Variants in ZC3H3 observed in about 807,000 individuals in gnomAD.
The protein encoded by ZC3H3 is zinc finger CCCH-type containing 3, also known as zinc finger CCCH domain-containing protein 3.
In ZC3H3, 36 loss-of-function variants were observed where a neutral mutation model predicts 77.3. The ratio of observed to expected loss-of-function variants is 0.47; its 90% CI spans 0.36 to 0.61. The LOEUF is 0.61. Ranked by LOEUF, ZC3H3 falls within the 20% of genes least tolerant of loss-of-function variation. The pLI is 0.00. For missense variants in ZC3H3, 1,331 were observed against 1,312.2 expected (o/e 1.01, Z -0.22); for synonymous variants, 626 against 555.2 (o/e 1.13, Z -1.79).
At chr8:143,488,731 G>T (rs1319645447) in intron 4 of ZC3H3, among the ~76,000 whole-genome samples, 5 of 152,216 alleles carry the variant, frequency 3.3e-5, no homozygotes, top group African/African-American at 1.2e-4. Context: ...CAAGAGACTG[G>T]CAGATTTAAG....
chr8:143,532,909 G>A (rs1442984093), intron 3 of ZC3H3, among the ~76,000 whole-genome samples: 2 of 152,196 alleles, frequency 1.3e-5, no homozygotes, highest in Non-Finnish European at 2.9e-5. Context: ...AGCCGCCTGA[G>A]TGACCAGGCC....
At chr8:143,455,020 G>GA (rs113637656) in intron 9 of ZC3H3, among the ~76,000 whole-genome samples, 3,683 of 147,106 alleles carry the variant, frequency 0.025, 148 homozygotes, top group African/African-American at 0.085. Flanking sequence ...CTCAACTTCA[G>GA]AAAAAAAAAA....
chr8:143,446,395 T>A (rs1015464735), intron 9 of ZC3H3, among the ~76,000 whole-genome samples: 5 of 152,206 alleles, frequency 3.3e-5, no homozygotes, highest in Non-Finnish European at 7.3e-5. Context: ...AGAAGACATG[T>A]GACTAACAGA....
At position 143,467,718 on chromosome 8, in the gene ZC3H3, C is replaced by T. The variant is rs181828567; in HGVS notation, c.2175+491G>A. 9.2e-3 allele frequency among the ~76,000 whole-genome samples: 1,405 copies of T among 152,256 alleles called. 23 individuals are homozygous for T. The highest frequency in any genetic ancestry group is 0.032 in the African/African-American group (1,314 of 41,534). On this transcript the variant is annotated intron_variant, in intron 8 of 11. Coordinates refer to ENST00000262577, the MANE Select transcript of ZC3H3 (RefSeq NM_015117.3). ...AAAGCAAGTCTGTTGGGTTTCAGGC[C>T]GCGGGGACAACCACATGAGCCAGGA...
rs566441994 is a variant in ZC3H3 at position 143,493,166 on chromosome 8, C to T, written c.1715+14580G>A. Among the ~76,000 whole-genome samples the T allele has an allele frequency of 2.1e-5, 3 of 139,828 alleles. No individual in the cohort carries two copies. Among genetic ancestry groups the T allele is most frequent in the Non-Finnish European group, 4.7e-5 (3 of 64,344 alleles). The allele number at this position is 139,828 out of a possible 152,430, so 91.7% of individuals were successfully genotyped here. A position where few individuals can be genotyped will look rare whatever the true frequency, so the allele number is the denominator to read the frequency against. The stretch of plus-strand genomic sequence containing the variant: ...CCCAGGGGCTCCCTCCTCAGGGTCC[C>T]GTGTCCTGGCCCAGGGGCTCCCTCC... On this transcript the variant is annotated intron_variant, in intron 4 of 11. Coordinates refer to ENST00000262577, the MANE Select transcript of ZC3H3 (RefSeq NM_015117.3). The surrounding 1 kb of genome is among the most constrained non-coding windows in gnomAD (Gnocchi z 4.8).
intron 3 of ZC3H3, chr8:143,523,615 C>G (rs952725787): frequency 1.2e-6 from 1 of 854,274 alleles, no homozygotes; most frequent in Non-Finnish European, 1.4e-6. Flanking sequence ...TTTGAGGACC[C>G]CTGTCCTCAT....
chr8:143,438,174 G>A (rs936819361), intron 11 of ZC3H3, 87 bp from the exon 12 acceptor site: 15 of 1,509,606 alleles, frequency 9.9e-6, no homozygotes, highest in Admixed American at 3.9e-5. Context: ...GCTCAGGATC[G>A]GGGGGCTCTG....
intron 4 of ZC3H3, among the ~76,000 whole-genome samples, chr8:143,505,756 C>T (rs1056784944): frequency 2.6e-5 from 4 of 152,216 alleles, no homozygotes; most frequent in Non-Finnish European, 5.9e-5. Context: ...GACACTGAGG[C>T]CTGGAGCCCA....
intron 3 of ZC3H3, among the ~76,000 whole-genome samples, chr8:143,513,317 G>A (rs1236275658): frequency 6.6e-6 from 1 of 152,168 alleles, no homozygotes; most frequent in East Asian, 1.9e-4. Context: ...AGGCAGGGGA[G>A]CAGGGGGAGC....
intron 3 of ZC3H3, among the ~76,000 whole-genome samples, chr8:143,512,356 A>G (rs1327882472): frequency 1.3e-5 from 2 of 152,208 alleles, no homozygotes; most frequent in African/African-American, 4.8e-5. Flanking sequence ...CACACTGCCT[A>G]TGTCCTTCTC....
chr8:143,502,419 C>G (rs1821553939), intron 4 of ZC3H3, among the ~76,000 whole-genome samples: 1 of 152,238 alleles, frequency 6.6e-6, no homozygotes, highest in Non-Finnish European at 1.5e-5. Flanking sequence ...AATGAGACGC[C>G]ACTTTGGAGA....
intron 9 of ZC3H3, among the ~76,000 whole-genome samples, chr8:143,461,151 T>C (rs1031499265): frequency 2.6e-5 from 4 of 152,166 alleles, no homozygotes; most frequent in Non-Finnish European, 4.4e-5. Context: ...TACCAAAAAC[T>C]ATTGAATTGT....
intron 9 of ZC3H3, among the ~76,000 whole-genome samples, chr8:143,456,100 T>C (rs1290776853): frequency 1.3e-5 from 2 of 151,280 alleles, no homozygotes; most frequent in African/African-American, 2.4e-5. Flanking sequence ...CAGGTATCCA[T>C]GAGGGATCTT....
chr8:143,510,096 G>A (rs935151911), intron 3 of ZC3H3, among the ~76,000 whole-genome samples: 4 of 152,216 alleles, frequency 2.6e-5, no homozygotes, highest in Admixed American at 2.6e-4. Flanking sequence ...CAGTGGTCAG[G>A]TCAGGCTTCT....
At chr8:143,488,354 C>A (rs1821100893) in intron 4 of ZC3H3, among the ~76,000 whole-genome samples, 1 of 72,700 alleles carries the variant, frequency 1.4e-5, no homozygotes, top group Non-Finnish European at 2.5e-5. Flanking sequence ...CAGAACAGCA[C>A]CCGCTACACG....
In ZC3H3 at chr8:143,535,933, C is replaced by T. The variant is rs547830340; in HGVS notation, c.1561+324G>A. ...CTGGGGGTGCCCAGCGCAGCACAAG[C>T]GAGGGCTTCACCCCTGCTTAAGGGC... On this transcript the variant is annotated intron_variant, in intron 3 of 11. Transcript: ENST00000262577. 9.8e-5 allele frequency among the ~76,000 whole-genome samples: 15 copies of T among 152,376 alleles called. 1 individual carries two copies. The South Asian group carries it at 1.7e-3, about 17-fold the overall frequency.
chr8:143,478,494 T>C (rs1820809051), intron 4 of ZC3H3, among the ~76,000 whole-genome samples: 1 of 152,212 alleles, frequency 6.6e-6, no homozygotes, highest in South Asian at 2.1e-4. Flanking sequence ...ACAGCAGCCA[T>C]GCCCCCGCTC....
In ZC3H3 at chr8:143,539,018, G is replaced by A. The variant is rs753760688; in HGVS notation, c.349C>T (p.Leu117Phe). The change falls in exon 2 of 12, where the codon CTC becomes TTC. Residue 117 changes from leucine to phenylalanine, a missense_variant. Leu to Phe is a conservative substitution (Grantham distance 22). Transcript: ENST00000262577. ...ATGACCACGTTCTGACCCTGACTGA[G>A]CTGGACCTGTCTCTCAAGGACATGC... ...QQHVLERQVQ[L>F]SQGQNVVIKV... 3.1e-6 allele frequency: 5 copies of A among 1,613,078 alleles called. No individual in the cohort carries two copies. Among genetic ancestry groups the A allele is most frequent in the Non-Finnish European group, 4.2e-6 (5 of 1,180,038 alleles).
intron 4 of ZC3H3, among the ~76,000 whole-genome samples, chr8:143,478,079 C>T (rs540842727): frequency 9.9e-5 from 15 of 152,248 alleles, no homozygotes; most frequent in Admixed American, 2.6e-4. Context: ...CAACCCTGGC[C>T]GCCACAAAGC....
Sources: allele counts gnomAD v4.1 joint callset (sites outside exome capture counted in the v4.1 genomes callset), GRCh38; gene constraint gnomAD v4.1.1; non-coding constraint Gnocchi (gnomAD v3.1); transcripts MANE v1.5; gene names NCBI Gene and HGNC (gene_info 2026-07-23, HGNC 2026-07-21).